Variants in RARB observed in about 807,000 individuals in gnomAD.
RARB encodes the protein HBV-activated protein.
Under a neutral mutation model 51.9 loss-of-function variants are expected in RARB, and 17 were observed. The ratio of observed to expected loss-of-function variants is 0.33; its 90% confidence interval spans 0.22 to 0.49. The LOEUF is 0.49. RARB is among the 20% of genes least tolerant of loss of function. The pLI, the probability that RARB is intolerant of heterozygous loss-of-function variation, is 0.99. For missense variants in RARB, 369 were observed against 550.8 expected (o/e 0.67, Z 3.30); for synonymous variants, 215 against 195.4 (o/e 1.10, Z -0.84).
intron 5 of RARB, among the ~76,000 whole-genome samples, chr3:25,339,387 C>T (rs1265236781): frequency 6.6e-6 from 1 of 152,174 alleles, no homozygotes; most frequent in Non-Finnish European, 1.5e-5. Flanking sequence ...GTAGGGCAAA[C>T]ACTGAGCTGT....
intron 4 of RARB, among the ~76,000 whole-genome samples, chr3:25,154,827 A>G (rs916448921): frequency 6.6e-6 from 1 of 152,162 alleles, no homozygotes; most frequent in African/African-American, 2.4e-5. Context: ...GTGTGCTTTC[A>G]TAATACTCGC....
intron 5 of RARB, among the ~76,000 whole-genome samples, chr3:25,203,918 C>T (rs1010377995): frequency 2.0e-5 from 3 of 152,102 alleles, no homozygotes; most frequent in Admixed American, 6.5e-5. Context: ...TGGAGTTGCT[C>T]TTCTTGAGGA....
chr3:25,409,476 C>A lies in RARB; in HGVS notation c.179-51717C>A, dbSNP rs536221941. Among the ~76,000 whole-genome samples, 10 of 152,242 alleles carry A rather than the reference C, an allele frequency of 6.6e-5. No homozygotes were observed. In the South Asian group the frequency reaches 2.1e-3, roughly 32 times the overall value. ...AGTTTATTCAAAATTTGTGTTAACT[C>A]TGTAGTGCCATAGGGTGTAAGAACC... On this transcript the variant is annotated intron_variant, in intron 5 of 11. Transcript: ENST00000383772.
intron 3 of RARB, among the ~76,000 whole-genome samples, chr3:25,521,575 CA>C (rs1698401708): frequency 6.6e-6 from 1 of 151,912 alleles, no homozygotes; most frequent in African/African-American, 2.4e-5. Context: ...GAGAGCTGTG[CA>C]GTAGGAAGGA....
chr3:25,056,782 A>G (rs551565875), intron 2 of RARB, among the ~76,000 whole-genome samples: 1 of 152,156 alleles, frequency 6.6e-6, no homozygotes. Context: ...AATTCTTTTA[A>G]TTATTCAGCA....
At chr3:25,399,530 T>C (rs528608753) in intron 5 of RARB, among the ~76,000 whole-genome samples, 1 of 152,200 alleles carries the variant, frequency 6.6e-6, no homozygotes, top group Non-Finnish European at 1.5e-5. Context: ...CACACAATGC[T>C]GAAGAGGTAG....
At chr3:24,921,534 G>T (rs1695216119) in intron 2 of RARB, among the ~76,000 whole-genome samples, 1 of 152,120 alleles carries the variant, frequency 6.6e-6, no homozygotes, top group Non-Finnish European at 1.5e-5. Context: ...CTAACCATGT[G>T]CCCTGTGTTT....
chr3:24,875,386 T>C (rs1184618397), intron 2 of RARB, among the ~76,000 whole-genome samples: 2 of 152,290 alleles, frequency 1.3e-5, no homozygotes, highest in East Asian at 3.9e-4. Flanking sequence ...ACTCATTTTT[T>C]AGGATTGCCT....
intron 2 of RARB, among the ~76,000 whole-genome samples, chr3:25,027,721 A>G (rs940918714): frequency 6.6e-6 from 1 of 152,106 alleles, no homozygotes; most frequent in Non-Finnish European, 1.5e-5. Context: ...CTCAGTGGCA[A>G]TTATAAGTAA....
At chr3:25,544,428 G>A (rs185999107) in intron 3 of RARB, among the ~76,000 whole-genome samples, 1 of 152,276 alleles carries the variant, frequency 6.6e-6, no homozygotes, top group East Asian at 1.9e-4. Flanking sequence ...GCTATATGGA[G>A]ACTATGGGAA....
intron 2 of RARB, among the ~76,000 whole-genome samples, chr3:24,933,053 G>T (rs928991805): frequency 2.6e-5 from 4 of 151,948 alleles, no homozygotes; most frequent in African/African-American, 9.7e-5. Context: ...TCAATGTATA[G>T]CTGTATTTTC....
chr3:25,561,348 T>C (rs1168369318), intron 3 of RARB, among the ~76,000 whole-genome samples: 1 of 152,240 alleles, frequency 6.6e-6, no homozygotes, highest in Non-Finnish European at 1.5e-5. Context: ...CGTGTTACTG[T>C]TGCATAAAAA....
intron 2 of RARB, among the ~76,000 whole-genome samples, chr3:24,906,498 A>C (rs558649403): frequency 2.6e-5 from 4 of 152,180 alleles, no homozygotes; most frequent in South Asian, 2.1e-4. Flanking sequence ...CCTTTATTAG[A>C]TTTATCATTT....
chr3:25,590,608 C>A (rs574559073), intron 5 of RARB, among the ~76,000 whole-genome samples: 23 of 152,088 alleles, frequency 1.5e-4, no homozygotes, highest in Non-Finnish European at 3.2e-4. Context: ...GCAACCTCCC[C>A]CTCCCAGTTC....
intron 2 of RARB, among the ~76,000 whole-genome samples, chr3:24,987,260 T>G (rs1440960382): frequency 6.6e-6 from 1 of 152,178 alleles, no homozygotes; most frequent in African/African-American, 2.4e-5. Context: ...TTTTTTTTAT[T>G]CCTTCTCCTC....
intron 3 of RARB, among the ~76,000 whole-genome samples, chr3:25,088,258 T>G (rs1477831334): frequency 6.6e-6 from 1 of 152,112 alleles, no homozygotes; most frequent in Non-Finnish European, 1.5e-5. Flanking sequence ...TCCAGCGACT[T>G]GATACACCAT....
chr3:24,943,291 CT>C (rs1177666790), intron 2 of RARB, among the ~76,000 whole-genome samples: 2 of 152,122 alleles, frequency 1.3e-5, no homozygotes, highest in Non-Finnish European at 2.9e-5. Flanking sequence ...GAATGTAATT[CT>C]TTCTGCTTGC....
chr3:24,877,600 C>G (rs1703072196), intron 2 of RARB, among the ~76,000 whole-genome samples: 2 of 151,968 alleles, frequency 1.3e-5, no homozygotes, highest in Admixed American at 1.3e-4. Flanking sequence ...GTTTGAAATA[C>G]CAGCGTAAGG....
chr3:25,179,209 CTT>C (rs555178647), intron 5 of RARB, among the ~76,000 whole-genome samples: 35 of 152,086 alleles, frequency 2.3e-4, no homozygotes, highest in Non-Finnish European at 4.7e-4. Context: ...CTAAGAAGAG[CTT>C]TGTTACCTAG....
Sources: gnomAD v4.1 joint callset for allele counts (sites outside exome capture counted in the v4.1 genomes callset) on GRCh38, gnomAD v4.1.1 for gene constraint, MANE v1.5 for transcripts, NCBI Gene and HGNC (gene_info 2026-07-23, HGNC 2026-07-21) for gene names.